Variants in HSD17B13 observed in about 807,000 individuals in gnomAD.
HSD17B13 encodes 17-beta-hydroxysteroid dehydrogenase 13.
Under a neutral mutation model 31.1 loss-of-function variants are expected in HSD17B13, and 26 were observed. That is an observed-to-expected ratio of 0.84 (90% CI 0.61 to 1.16). The LOEUF (loss-of-function observed/expected upper bound fraction) is 1.16, where lower values mean the gene tolerates loss of function less well. Ranked by LOEUF, HSD17B13 falls within the 50% of genes most tolerant of loss-of-function variation. HSD17B13 has a pLI of 0.00. For synonymous variants in HSD17B13, 141 were observed against 133.7 expected (o/e 1.05, Z -0.38); for missense variants, 374 against 366.5 (o/e 1.02, Z -0.17).
intron 4 of HSD17B13, 90 bp downstream of exon 4, chr4:87,315,403 G>A: frequency 1.7e-6 from 1 of 597,414 alleles, no homozygotes; most frequent in Non-Finnish European, 2.7e-6. Context: ...AAGATGCCAA[G>A]AACCAGGACT....
At chr4:87,307,630 T>C (rs926046934) in intron 6 of HSD17B13, among the ~76,000 whole-genome samples, 2 of 152,066 alleles carry the variant, frequency 1.3e-5, no homozygotes, top group African/African-American at 4.8e-5. Context: ...CTCCTGCGAG[T>C]GCCTGGTATT....
intron 5 of HSD17B13, among the ~76,000 whole-genome samples, chr4:87,311,332 T>C (rs892688091): frequency 2.0e-5 from 3 of 152,218 alleles, no homozygotes; most frequent in African/African-American, 4.8e-5. Context: ...TTTACTTTCC[T>C]AATAAACTTG....
At position 87,318,551 on chromosome 4, in the gene HSD17B13, G is replaced by A. The variant is rs181306440; in HGVS notation, c.211-115C>T. 1.2e-3 allele frequency: 964 copies of A among 794,232 alleles called. 7 individuals carry two copies. The African/African-American group carries it at 0.014, about 12-fold the overall frequency. The allele number at this position is 794,232 out of a possible 1,614,324, so 49.2% of individuals were successfully genotyped here. On this transcript the variant is annotated intron_variant, in intron 1 of 6. Transcript: ENST00000328546. Reference sequence around the variant, plus strand: ...GCGGTGGCTCACGCCTGTAATCCCAGCACTTTGGTTGGCCGAGGAGGGCGG... The same window carrying A: ...GCGGTGGCTCACGCCTGTAATCCCAACACTTTGGTTGGCCGAGGAGGGCGG...
chr4:87,318,607 G>A (rs1734713346), intron 1 of HSD17B13, among the ~76,000 whole-genome samples, 171 bp from the exon 2 acceptor site: 2 of 151,364 alleles, frequency 1.3e-5, no homozygotes, highest in Non-Finnish European at 2.9e-5. Context: ...AGACCAGCCT[G>A]GCCAACATGG....
chr4:87,312,416 C>G (rs1012284192), intron 5 of HSD17B13, among the ~76,000 whole-genome samples: 1 of 151,378 alleles, frequency 6.6e-6, no homozygotes, highest in African/African-American at 2.4e-5. Flanking sequence ...CCCCCACTAT[C>G]AGAACAGTTC....
Position 87,310,304 on chromosome 4 carries a change from G to A in HSD17B13, c.751C>T (p.Leu251Phe), listed in dbSNP as rs765717275. 7 of 1,578,568 alleles carry A rather than the reference G, an allele frequency of 4.4e-6. No homozygotes were observed. The South Asian group carries it at 8.3e-5, about 19-fold the overall frequency. Residue 251 changes from leucine (L) to phenylalanine (F), a missense_variant, in exon 6 of 7, where the codon CTT becomes TTT. Physicochemically the swap from Leu to Phe is conservative, Grantham distance 22. Transcript: ENST00000328546. The stretch of plus-strand genomic sequence containing the variant: ...ACAAAAATCATTTTCTTATTGGTAA[G>A]TATTCCATCTATCAGACTTCTTACG... ...EVVRSLIDGI[L>F]TNKKMIFVPS... is the part of the protein sequence containing the mutation.
At chr4:87,317,563 CTT>C (rs869241617) in intron 2 of HSD17B13, among the ~76,000 whole-genome samples, 9 of 49,746 alleles carry the variant, frequency 1.8e-4, no homozygotes, top group African/African-American at 4.2e-4. Context: ...TTTCTTTAAA[CTT>C]TTTTTTTTTT....
At chr4:87,309,917 T>A (rs1198042490) in intron 6 of HSD17B13, among the ~76,000 whole-genome samples, 1 of 152,080 alleles carries the variant, frequency 6.6e-6, no homozygotes, top group African/African-American at 2.4e-5. Flanking sequence ...CCCAGCACTT[T>A]GGGAGGCCGA....
intron 1 of HSD17B13, among the ~76,000 whole-genome samples, chr4:87,321,823 A>G (rs907158827): frequency 6.6e-6 from 1 of 152,246 alleles, no homozygotes; most frequent in Non-Finnish European, 1.5e-5. Context: ...AATTAAAACC[A>G]CTGTAATTTG....
rs987604167 is a variant in HSD17B13, at chr4:87,322,284, A to G, written c.210+348T>C. On this transcript the variant is annotated intron_variant, in intron 1 of 6. Coordinates refer to ENST00000328546, the MANE Select transcript of HSD17B13 (RefSeq NM_178135.5). ...TCGTTTGACTTTTGTTTGTAGCTGT[A>G]ATTTTCAGATCCCGTTCTTGCCCAT... 3.9e-5 allele frequency among the ~76,000 whole-genome samples: 6 copies of G among 152,170 alleles called. No homozygotes were observed. In the South Asian group the frequency reaches 1.0e-3, roughly 26 times the overall value.
chr4:87,307,847 A>G (rs1431006385), intron 6 of HSD17B13, among the ~76,000 whole-genome samples: 1 of 152,150 alleles, frequency 6.6e-6, no homozygotes, highest in Non-Finnish European at 1.5e-5. Context: ...GGTTCTCCTT[A>G]TGTTATCTCA....
chr4:87,319,149 T>G (rs573675525), intron 1 of HSD17B13, among the ~76,000 whole-genome samples: 35 of 152,184 alleles, frequency 2.3e-4, no homozygotes, highest in African/African-American at 8.2e-4. Context: ...TCCATTGCAC[T>G]CCAACCTGGG....
chr4:87,311,899 A>G (rs184228186), intron 5 of HSD17B13, among the ~76,000 whole-genome samples: 12 of 152,334 alleles, frequency 7.9e-5, no homozygotes, highest in Non-Finnish European at 1.6e-4. Context: ...GATTTCATCT[A>G]CATGGATCCA....
rs181112926 is a variant in HSD17B13, at chr4:87,313,312, T to C, written c.695+511A>G. On this transcript the variant is annotated intron_variant, in intron 5 of 6. Transcript: ENST00000328546. ...ATTGGTTTCGAATCATTAAGCTTAG[T>C]ATATTTTGTTAACCTGCAGCAGAAT... Among the ~76,000 whole-genome samples the C allele has an allele frequency of 7.9e-5, 12 of 152,330 alleles. No homozygotes were observed. In the East Asian group the frequency reaches 2.1e-3, roughly 27 times the overall value.
At chr4:87,306,624 G>A (rs1174422828) in intron 6 of HSD17B13, among the ~76,000 whole-genome samples, 1 of 152,020 alleles carries the variant, frequency 6.6e-6, no homozygotes, top group East Asian at 1.9e-4. Flanking sequence ...AAGGAAGAGA[G>A]TGGCTGGCCC....
chr4:87,313,083 A>G (rs1354353307), intron 5 of HSD17B13, among the ~76,000 whole-genome samples: 2 of 145,640 alleles, frequency 1.4e-5, no homozygotes, highest in Non-Finnish European at 3.0e-5. Context: ...ATAAAAACAA[A>G]AACTTTTTTT....
chr4:87,310,685 C>T (rs940598532), intron 5 of HSD17B13, among the ~76,000 whole-genome samples: 2 of 152,154 alleles, frequency 1.3e-5, no homozygotes, highest in African/African-American at 4.8e-5. Context: ...AATCATGGGA[C>T]AGGAAGGAAA....
chr4:87,308,485 T>TAAAAAAAAAAAAAAAAAAAAA (rs893354684), intron 6 of HSD17B13, among the ~76,000 whole-genome samples: 1 of 33,196 alleles, frequency 3.0e-5, no homozygotes, highest in African/African-American at 6.1e-5. Flanking sequence ...CCGTCTCTAC[T>TAAAAAAAAAAAAAAAAAAAAA]AAAAAAAAAA....
rs1734362249 is a variant in HSD17B13 at position 87,305,229 on chromosome 4, T to G, written c.892A>C (p.Lys298Gln). The change falls in exon 7 of 7, where the codon AAA becomes CAA. Residue 298 changes from lysine to glutamine, a missense_variant. Lys to Gln is a moderately conservative substitution (Grantham distance 53). Coordinates refer to ENST00000328546, the MANE Select transcript of HSD17B13 (RefSeq NM_178135.5). Reference sequence around the variant, plus strand: ...TGGAGCTTATTTATTCATTTCATTTTGATTTTGTGGCCAACCACTGCTTCA... The same window carrying G: ...TGGAGCTTATTTATTCATTTCATTTGGATTTTGTGGCCAACCACTGCTTCA... ...QFEAVVGHKI[K>Q]MK is the part of the protein sequence containing the mutation. 3.1e-6 allele frequency: 5 copies of G among 1,602,870 alleles called. No individual in the cohort carries two copies. The highest frequency in any genetic ancestry group is 1.3e-5 in the African/African-American group (1 of 74,650).
Sources: allele counts gnomAD v4.1 joint callset (sites outside exome capture counted in the v4.1 genomes callset), GRCh38; gene constraint gnomAD v4.1.1; transcripts MANE v1.5; gene names NCBI Gene and HGNC (gene_info 2026-07-23, HGNC 2026-07-21).